Variants in ASIC2 observed in about 807,000 individuals in gnomAD.
The protein encoded by ASIC2 is acid-sensing ion channel 2.
In ASIC2, 25 loss-of-function variants were observed where a neutral mutation model predicts 57.3. That is an observed-to-expected ratio of 0.44 (90% confidence interval 0.32 to 0.61). The LOEUF is 0.61. Ranked by LOEUF, ASIC2 falls within the 20% of genes least tolerant of loss-of-function variation. The probability of loss-of-function intolerance (pLI) is 0.06; values close to 1 mark genes in which losing one functional copy is unlikely to be tolerated. For missense variants in ASIC2, 641 were observed against 738.1 expected (o/e 0.87, Z 1.52); for synonymous variants, 319 against 307.5 (o/e 1.04, Z -0.39).
intron 1 of ASIC2, among the ~76,000 whole-genome samples, chr17:33,849,721 A>G (rs1913712411): frequency 6.6e-6 from 1 of 152,230 alleles, no homozygotes; most frequent in South Asian, 2.1e-4. Context: ...AAAAGGGAAT[A>G]GCACTGTCAA....
chr17:33,452,039 C>A (rs1462369991), intron 1 of ASIC2, among the ~76,000 whole-genome samples: 1 of 152,198 alleles, frequency 6.6e-6, no homozygotes, highest in South Asian at 2.1e-4. Context: ...TAATGCATCA[C>A]CTCCACTGAG....
intron 1 of ASIC2, among the ~76,000 whole-genome samples, chr17:33,647,905 C>T (rs1250372540): frequency 6.6e-6 from 1 of 152,160 alleles, no homozygotes; most frequent in African/African-American, 2.4e-5. Flanking sequence ...CTTTCTTACT[C>T]CTGCCTCCCT....
chr17:33,495,454 C>T (rs988328214), intron 1 of ASIC2, among the ~76,000 whole-genome samples: 8 of 152,154 alleles, frequency 5.3e-5, no homozygotes, highest in Non-Finnish European at 8.8e-5. Context: ...TCCCAAGTCT[C>T]GAGTCTCCTC....
intron 1 of ASIC2, among the ~76,000 whole-genome samples, chr17:33,318,042 G>T (rs987723084): frequency 6.6e-6 from 1 of 151,994 alleles, no homozygotes; most frequent in Non-Finnish European, 1.5e-5. Context: ...AAGAGCTGAC[G>T]GTCGCATTTG....
chr17:34,067,751 C>A (rs545746755), intron 1 of ASIC2, among the ~76,000 whole-genome samples: 1 of 152,012 alleles, frequency 6.6e-6, no homozygotes, highest in African/African-American at 2.4e-5. Flanking sequence ...AAATGGCTAA[C>A]GTGGAAAGAC....
chr17:33,588,123 A>G (rs1157453041), intron 1 of ASIC2, among the ~76,000 whole-genome samples: 1 of 152,232 alleles, frequency 6.6e-6, no homozygotes, highest in Non-Finnish European at 1.5e-5. Context: ...GTTGTTCAGA[A>G]TGTCTCTGTT....
chr17:33,969,929 G>C (rs1373081631), intron 1 of ASIC2, among the ~76,000 whole-genome samples: 1 of 152,144 alleles, frequency 6.6e-6, no homozygotes, highest in Non-Finnish European at 1.5e-5. Context: ...CTAGGGGTCT[G>C]GGGGAAGAGG....
In ASIC2 at chr17:33,735,378, G is replaced by T. The variant is rs142437179; in HGVS notation, c.555+420600C>A. The stretch of plus-strand genomic sequence containing the variant: ...GGGCTCCGTGCTTTTCCTGGTACAG[G>T]CCATTAGGAAAGGTTCACTGTATTA... On this transcript the variant is annotated intron_variant, in intron 1 of 9. Transcript: ENST00000359872. Among the ~76,000 whole-genome samples the T allele has an allele frequency of 1.5e-3, 226 of 152,252 alleles. 2 individuals carry two copies. The highest frequency in any genetic ancestry group is 5.1e-3 in the African/African-American group (213 of 41,544).
intron 1 of ASIC2, among the ~76,000 whole-genome samples, chr17:33,684,467 C>T (rs376579143): frequency 5.5e-4 from 83 of 151,158 alleles, no homozygotes; most frequent in African/African-American, 1.8e-3. Flanking sequence ...TTGTTCATGA[C>T]GACCCTGACC....
intron 1 of ASIC2, among the ~76,000 whole-genome samples, chr17:33,763,399 A>G (rs981360069): frequency 6.6e-6 from 1 of 152,306 alleles, no homozygotes; most frequent in Admixed American, 6.5e-5. Flanking sequence ...TCTAGCCCTG[A>G]CCTTCAGGTC....
In ASIC2 at chr17:33,855,537, C is replaced by T. The variant is rs139245556; in HGVS notation, c.555+300441G>A. ...AGGATAATTCTTTGGTGGAGAAGTCCCTAGATGCATTATTCACTGGCAAAC... is the reference window on the plus strand; with the variant it reads ...AGGATAATTCTTTGGTGGAGAAGTCTCTAGATGCATTATTCACTGGCAAAC... On this transcript the variant is annotated intron_variant, in intron 1 of 9. Coordinates refer to the ASIC2 transcript ENST00000359872. 8.2e-3 allele frequency among the ~76,000 whole-genome samples: 1,247 copies of T among 151,996 alleles called. 23 individuals are homozygous for T. The highest frequency in any genetic ancestry group is 0.029 in the African/African-American group (1,185 of 41,444).
intron 1 of ASIC2, among the ~76,000 whole-genome samples, chr17:33,393,661 G>A (rs1368972977): frequency 6.6e-6 from 1 of 152,164 alleles, no homozygotes; most frequent in Non-Finnish European, 1.5e-5. Flanking sequence ...TGAAGTAGGG[G>A]AATATATGTG....
intron 1 of ASIC2, among the ~76,000 whole-genome samples, chr17:33,810,856 G>A (rs753863372): frequency 2.1e-5 from 3 of 143,704 alleles, no homozygotes; most frequent in Non-Finnish European, 4.5e-5. Context: ...TTTCCAAAAC[G>A]AACTATGCAC....
At position 33,933,516 on chromosome 17, in the gene ASIC2, G is replaced by A. The variant is rs373085833; in HGVS notation, c.555+222462C>T. Among the ~76,000 whole-genome samples, 266 of 152,308 alleles carry A rather than the reference G, an allele frequency of 1.7e-3. 2 individuals are homozygous for A. Among genetic ancestry groups the A allele is most frequent in the South Asian group, 0.014 (68 of 4,828 alleles). ...CTCAGGCTTGGAAAGAGGTGAGTAC[G>A]GGACAGAGCAGGAATTGATTTCAGC... On this transcript the variant is annotated intron_variant, in intron 1 of 9. Coordinates refer to the ASIC2 transcript ENST00000359872.
chr17:33,014,881 A>G (rs945264265), intron 9 of ASIC2, among the ~76,000 whole-genome samples: 1 of 152,190 alleles, frequency 6.6e-6, no homozygotes, highest in Non-Finnish European at 1.5e-5. Flanking sequence ...TGCCGGCAGG[A>G]TCTCACTGAA....
At chr17:34,008,837 G>A (rs1247647199) in intron 1 of ASIC2, among the ~76,000 whole-genome samples, 1 of 152,226 alleles carries the variant, frequency 6.6e-6, no homozygotes, top group African/African-American at 2.4e-5. Flanking sequence ...AGAGTTTGCA[G>A]AGAACATGTG....
chr17:34,026,697 C>G (rs1907391616), intron 1 of ASIC2, among the ~76,000 whole-genome samples: 1 of 152,180 alleles, frequency 6.6e-6, no homozygotes, highest in Admixed American at 6.5e-5. Context: ...CATCAACTCC[C>G]CAAATGCCAA....
intron 1 of ASIC2, among the ~76,000 whole-genome samples, chr17:33,167,227 C>T (rs962857903): frequency 6.6e-6 from 1 of 152,154 alleles, no homozygotes; most frequent in Non-Finnish European, 1.5e-5. Flanking sequence ...AATAGCACTG[C>T]TTCCTCCTAC....
In ASIC2 at chr17:33,494,334, A is replaced by C. The variant is rs551837741; in HGVS notation, c.556-382267T>G. On this transcript the variant is annotated intron_variant, in intron 1 of 9. Coordinates refer to the ASIC2 transcript ENST00000359872. ...CCTGTTAATAGGTGACTCCTCCATC[A>C]TGCATGGGTCGTTGCCATGGTGATG... is the stretch of plus-strand genomic sequence containing the variant. Among the ~76,000 whole-genome samples the C allele has an allele frequency of 5.3e-5, 8 of 152,224 alleles. No individual in the cohort carries two copies. In the East Asian group the frequency reaches 1.2e-3, roughly 22 times the overall value.
Sources: gnomAD v4.1 joint callset for allele counts (sites outside exome capture counted in the v4.1 genomes callset) on GRCh38, gnomAD v4.1.1 for gene constraint, MANE v1.5 for transcripts, NCBI Gene and HGNC (gene_info 2026-07-23, HGNC 2026-07-21) for gene names.